The following N4BP2 variants were observed in gnomAD, a reference collection of about 807,000 sequenced individuals.
N4BP2 encodes the protein NEDD4-binding protein 2.
N4BP2 carries 91 observed loss-of-function variants against 152.8 expected under a neutral mutation model. The ratio of observed to expected loss-of-function variants is 0.60; its 90% confidence interval spans 0.50 to 0.71. The LOEUF is 0.71. N4BP2 is among the 30% of genes least tolerant of loss of function. The pLI is 0.00. For missense variants in N4BP2, 1,923 were observed against 2,059.1 expected, an observed-to-expected ratio of 0.93 and a Z score of 1.28; for synonymous variants, 646 against 705.3, an observed-to-expected ratio of 0.92 and a Z score of 1.33.
rs564260036 is a variant in N4BP2 at position 40,086,413 on chromosome 4, C to T, written c.-114-10814C>T. Among the ~76,000 whole-genome samples, 61 of 152,142 alleles carry T rather than the reference C, an allele frequency of 4.0e-4. 1 individual carries two copies. Among genetic ancestry groups the T allele is most frequent in the African/African-American group, 1.4e-3 (57 of 41,546 alleles). ...AGTGCAGTGGCATGATGTTGGCTCACTGCAACCTCCTCCTCCTGGCTTCAA... is the reference window on the plus strand; with the variant it reads ...AGTGCAGTGGCATGATGTTGGCTCATTGCAACCTCCTCCTCCTGGCTTCAA... On this transcript the variant is annotated intron_variant, in intron 2 of 17. Transcript: ENST00000261435.
chr4:40,140,284 C>T (rs1443568039), intron 14 of N4BP2, among the ~76,000 whole-genome samples: 1 of 152,106 alleles, frequency 6.6e-6, no homozygotes, highest in African/African-American at 2.4e-5. Context: ...CTCTGCCCAC[C>T]TGGAAAACAT....
intron 8 of N4BP2, among the ~76,000 whole-genome samples, chr4:40,119,038 G>T (rs1046182526): frequency 2.0e-5 from 3 of 152,166 alleles, no homozygotes; most frequent in Non-Finnish European, 2.9e-5. Context: ...GTGGTTAAGA[G>T]CATGGACTCT....
At chr4:40,168,530 A>G in the N4BP2 span, among the ~76,000 whole-genome samples, 1 of 152,184 alleles carries the variant, frequency 6.6e-6, no homozygotes, top group Non-Finnish European at 1.5e-5. Context: ...TATCATAAAG[A>G]TATAAATCAG....
chr4:40,077,123 G>A (rs192010733), intron 2 of N4BP2, among the ~76,000 whole-genome samples: 2 of 151,754 alleles, frequency 1.3e-5, no homozygotes, highest in African/African-American at 4.8e-5. Flanking sequence ...GGTCGATATT[G>A]AATATTATGT....
chr4:40,094,647 A>T (rs902994897), intron 2 of N4BP2, among the ~76,000 whole-genome samples: 18 of 151,240 alleles, frequency 1.2e-4, no homozygotes, highest in Non-Finnish European at 2.5e-4. Context: ...CCTCTGCCTC[A>T]TGGGTTCAAG....
chr4:40,103,800 C>G (rs1482448530), intron 4 of N4BP2, among the ~76,000 whole-genome samples: 3 of 152,100 alleles, frequency 2.0e-5, no homozygotes, highest in African/African-American at 7.2e-5. Context: ...TTAAGGTAGG[C>G]TGTGAGTGCC....
intron 4 of N4BP2, 145 bp downstream of exon 4, chr4:40,103,363 G>T: frequency 1.6e-6 from 1 of 642,214 alleles, no homozygotes; most frequent in South Asian, 2.3e-5. Context: ...TCCTAACTTT[G>T]TGTAGCTAAT....
At chr4:40,112,221 T>A in intron 6 of N4BP2, 49 bp downstream of exon 6, 1 of 1,001,360 alleles carries the variant, frequency 1.0e-6, no homozygotes, top group Non-Finnish European at 1.5e-6. Flanking sequence ...TATGCAATTA[T>A]TGGGGAACAT....
At chr4:40,060,022 C>T in intron 1 of N4BP2, among the ~76,000 whole-genome samples, 1 of 151,280 alleles carries the variant, frequency 6.6e-6, no homozygotes, top group Admixed American at 6.6e-5. Context: ...TTTAAAGAGA[C>T]AGGGTCTCAC....
intron 5 of N4BP2, among the ~76,000 whole-genome samples, chr4:40,110,972 G>A (rs749080566): frequency 2.3e-4 from 35 of 152,154 alleles, no homozygotes; most frequent in Non-Finnish European, 4.4e-4. Flanking sequence ...TTTCCTGTAT[G>A]GTCTAATTCC....
chr4:40,114,294 A>G (rs775068239), intron 7 of N4BP2, among the ~76,000 whole-genome samples: 1 of 152,090 alleles, frequency 6.6e-6, no homozygotes, highest in African/African-American at 2.4e-5. Flanking sequence ...TAATTTTAGT[A>G]TATTCACAGT....
At chr4:40,128,831 T>C (rs1718653485) in intron 12 of N4BP2, among the ~76,000 whole-genome samples, 1 of 146,682 alleles carries the variant, frequency 6.8e-6, no homozygotes, top group African/African-American at 2.4e-5. Flanking sequence ...CAATGGATTT[T>C]CTTTAAAAAA....
intron 1 of N4BP2, among the ~76,000 whole-genome samples, chr4:40,060,005 T>C (rs1033296449): frequency 2.0e-5 from 3 of 152,068 alleles, no homozygotes; most frequent in African/African-American, 4.8e-5. Flanking sequence ...TTTTTTTTTT[T>C]TCTTTTTTTA....
At chr4:40,145,885 G>A (rs983148488) in intron 16 of N4BP2, among the ~76,000 whole-genome samples, 8 of 152,040 alleles carry the variant, frequency 5.3e-5, no homozygotes, top group South Asian at 4.1e-4. Context: ...AGTTGTGGCC[G>A]GGTGCGGTGG....
At chr4:40,184,871 G>A in the N4BP2 span, among the ~76,000 whole-genome samples, 21 of 152,106 alleles carry the variant, frequency 1.4e-4, no homozygotes, top group Admixed American at 1.2e-3. Context: ...CGTAAGAATC[G>A]CTTGAACCTG....
the N4BP2 span, chr4:40,167,286 A>G: frequency 1.3e-5 from 2 of 152,240 alleles, no homozygotes; most frequent in Non-Finnish European, 2.9e-5. Flanking sequence ...TAATAGAAGT[A>G]AATTTCCTGA....
At chr4:40,127,699 C>T (rs925542686) in intron 12 of N4BP2, among the ~76,000 whole-genome samples, 8 of 150,376 alleles carry the variant, frequency 5.3e-5, no homozygotes, top group Middle Eastern at 3.5e-3. Flanking sequence ...CTCGCTCTGT[C>T]GCCCAGGCTG....
intron 13 of N4BP2, among the ~76,000 whole-genome samples, chr4:40,136,494 C>T (rs953447094): frequency 3.9e-5 from 6 of 152,158 alleles, no homozygotes; most frequent in African/African-American, 9.7e-5. Context: ...AAGCGATTCT[C>T]GTGCCTCTCA....
At chr4:40,113,146 T>C (rs190170849) in intron 6 of N4BP2, among the ~76,000 whole-genome samples, 258 of 152,360 alleles carry the variant, frequency 1.7e-3, no homozygotes, top group African/African-American at 5.8e-3. Flanking sequence ...TTAATAGCCA[T>C]GTAGTTATTT....
Sources: allele counts gnomAD v4.1 joint callset (sites outside exome capture counted in the v4.1 genomes callset), GRCh38; gene constraint gnomAD v4.1.1; transcripts MANE v1.5; gene names NCBI Gene and HGNC (gene_info 2026-07-23, HGNC 2026-07-21).